The following CNTNAP2 variants were observed in gnomAD, a reference collection of about 807,000 sequenced individuals.
CNTNAP2 encodes contactin-associated protein-like 2.
A neutral mutation model predicts 155.2 loss-of-function variants in CNTNAP2; 98 were observed. The observed-to-expected ratio is 0.63, with a 90% CI of 0.54 to 0.75. The LOEUF (loss-of-function observed/expected upper bound fraction) is 0.75, where lower values mean the gene tolerates loss of function less well. Ranked by LOEUF, CNTNAP2 falls within the 30% of genes least tolerant of loss-of-function variation. CNTNAP2 has a pLI of 0.00. For missense variants in CNTNAP2, 1,727 were observed against 1,688.1 expected (o/e 1.02, Z -0.40); for synonymous variants, 651 against 631.2 (o/e 1.03, Z -0.47).
At chr7:147,449,717 C>T (rs1306426539) in intron 10 of CNTNAP2, among the ~76,000 whole-genome samples, 1 of 152,242 alleles carries the variant, frequency 6.6e-6, no homozygotes, top group East Asian at 1.9e-4. Context: ...GAATCTAATT[C>T]TTAGAATGGA....
chr7:147,233,204 C>T (rs1803723436), intron 8 of CNTNAP2, among the ~76,000 whole-genome samples: 1 of 152,086 alleles, frequency 6.6e-6, no homozygotes, highest in African/African-American at 2.4e-5. Flanking sequence ...AGAGATAAAG[C>T]TCTCATGACT....
chr7:146,584,975 G>A (rs1227767577), intron 1 of CNTNAP2, among the ~76,000 whole-genome samples: 1 of 151,982 alleles, frequency 6.6e-6, no homozygotes, highest in Non-Finnish European at 1.5e-5. Context: ...ACCTGTTTGG[G>A]GCCCTATTCC....
rs764253852 is a variant in CNTNAP2 at position 146,808,907 on chromosome 7, C to T, written c.209-30804C>T. Among the ~76,000 whole-genome samples, 19 of 152,118 alleles carry T rather than the reference C, an allele frequency of 1.2e-4. 1 individual carries two copies. Among genetic ancestry groups the T allele is most frequent in the South Asian group, 6.2e-4 (3 of 4,834 alleles). ...TCTTTTTATGGCTAATATTACAGTG[C>T]GTGTGAATGTGTTTGTGCTTGTGTG... is the stretch of plus-strand genomic sequence containing the variant. On this transcript the variant is annotated intron_variant, in intron 2 of 23. Transcript: ENST00000361727.
intron 17 of CNTNAP2, among the ~76,000 whole-genome samples, chr7:148,167,521 T>G (rs1317420817): frequency 7.3e-5 from 11 of 150,262 alleles, no homozygotes; most frequent in Non-Finnish European, 1.0e-4. Flanking sequence ...CAGACATCGG[T>G]GCAAAGAAAG....
At chr7:146,302,811 A>G (rs994213317) in intron 1 of CNTNAP2, among the ~76,000 whole-genome samples, 1 of 152,144 alleles carries the variant, frequency 6.6e-6, no homozygotes, top group Non-Finnish European at 1.5e-5. Flanking sequence ...TCTTACAGAC[A>G]TGTGCTATAC....
At chr7:147,097,293 T>C (rs1354558214) in intron 4 of CNTNAP2, 1 of 152,222 alleles carries the variant, frequency 6.6e-6, no homozygotes, top group Non-Finnish European at 1.5e-5. Context: ...TTTAAAGTAA[T>C]GGTGTTTGTT....
At chr7:146,499,160 A>G (rs1349346531) in intron 1 of CNTNAP2, among the ~76,000 whole-genome samples, 1 of 152,136 alleles carries the variant, frequency 6.6e-6, no homozygotes, top group African/African-American at 2.4e-5. Context: ...ATTTGAAATC[A>G]CTTTTAGTCT....
chr7:148,259,452 T>C (rs748890888), intron 20 of CNTNAP2, among the ~76,000 whole-genome samples: 2 of 152,090 alleles, frequency 1.3e-5, no homozygotes, highest in Non-Finnish European at 2.9e-5. Flanking sequence ...AGAAAAAAGA[T>C]GATATATTCT....
chr7:146,962,398 A>G (rs1223123831), intron 3 of CNTNAP2, among the ~76,000 whole-genome samples: 1 of 152,194 alleles, frequency 6.6e-6, no homozygotes, highest in Non-Finnish European at 1.5e-5. Flanking sequence ...CTAAGTAAGG[A>G]ATACTTGAGA....
At chr7:147,800,675 T>C (rs1258171635) in intron 13 of CNTNAP2, among the ~76,000 whole-genome samples, 2 of 152,110 alleles carry the variant, frequency 1.3e-5, no homozygotes, top group Non-Finnish European at 2.9e-5. Context: ...TGGGCTTCCG[T>C]GATTGGAAAA....
chr7:147,454,714 CG>C (rs773854905), intron 10 of CNTNAP2, among the ~76,000 whole-genome samples: 25 of 151,664 alleles, frequency 1.6e-4, no homozygotes, highest in Non-Finnish European at 3.5e-4. Context: ...ACCTTCAAGA[CG>C]CCTTAGCCTT....
At chr7:147,368,096 T>TCACACACACACACA (rs5888250) in intron 9 of CNTNAP2, among the ~76,000 whole-genome samples, 24 of 117,170 alleles carry the variant, frequency 2.0e-4, no homozygotes, top group African/African-American at 7.3e-4. Flanking sequence ...TCTCTCTCTG[T>TCACACACACACACA]CACACACACA....
intron 13 of CNTNAP2, among the ~76,000 whole-genome samples, chr7:147,902,890 G>T (rs1268279926): frequency 1.3e-5 from 2 of 149,554 alleles, no homozygotes; most frequent in Middle Eastern, 3.5e-3. Context: ...GGGCATTTAG[G>T]TTGCTTCCAC....
chr7:147,162,994 G>C (rs547155002), intron 8 of CNTNAP2, among the ~76,000 whole-genome samples: 6 of 152,104 alleles, frequency 3.9e-5, no homozygotes, highest in Non-Finnish European at 8.8e-5. Context: ...TCTTCTCGTG[G>C]CGATGATAAA....
At chr7:147,907,884 C>G (rs966231763) in intron 14 of CNTNAP2, among the ~76,000 whole-genome samples, 1 of 151,968 alleles carries the variant, frequency 6.6e-6, no homozygotes, top group African/African-American at 2.4e-5. Context: ...AGTCTCATGG[C>G]TCAGCCTCCC....
intron 3 of CNTNAP2, among the ~76,000 whole-genome samples, chr7:147,020,350 C>T: frequency 6.6e-6 from 1 of 152,102 alleles, no homozygotes; most frequent in East Asian, 1.9e-4. Flanking sequence ...GGATGAATTT[C>T]ATAACACAAT....
intron 21 of CNTNAP2, among the ~76,000 whole-genome samples, chr7:148,295,653 G>A (rs1032520761): frequency 6.8e-6 from 1 of 146,146 alleles, no homozygotes; most frequent in African/African-American, 2.6e-5. Context: ...CACCGCGCCT[G>A]GCTAATTTTT....
intron 21 of CNTNAP2, among the ~76,000 whole-genome samples, chr7:148,327,320 A>T (rs1301152074): frequency 6.6e-6 from 1 of 152,126 alleles, no homozygotes; most frequent in Non-Finnish European, 1.5e-5. Context: ...TTCCAAGGAC[A>T]ATTATTTTAG....
At chr7:146,409,707 T>C (rs10952643) in intron 1 of CNTNAP2, among the ~76,000 whole-genome samples, 50,962 of 152,016 alleles carry the variant, frequency 0.34, 8,833 homozygotes, top group Admixed American at 0.45. Context: ...TGCATCCTCC[T>C]CCCCAAAGGC....
Sources: gnomAD v4.1 joint callset for allele counts (sites outside exome capture counted in the v4.1 genomes callset) on GRCh38, gnomAD v4.1.1 for gene constraint, MANE v1.5 for transcripts, NCBI Gene and HGNC (gene_info 2026-07-23, HGNC 2026-07-21) for gene names.